Variants in ADGRV1 observed in about 807,000 individuals in gnomAD.
ADGRV1 encodes adhesion G protein-coupled receptor V1, also known as G-protein coupled receptor 98.
ADGRV1 carries 359 observed loss-of-function variants against 596.2 expected under a neutral mutation model. That is an observed-to-expected ratio of 0.60 (90% confidence interval 0.55 to 0.66). ADGRV1 has a LOEUF of 0.66. ADGRV1 is among the 30% of genes least tolerant of loss of function. ADGRV1 has a pLI of 0.00. For synonymous variants in ADGRV1, 2,681 were observed against 2,679.2 expected (o/e 1.00, Z -0.02); for missense variants, 7,274 against 7,575.6 (o/e 0.96, Z 1.48).
chr5:90,879,845 G>C (rs2150535484), intron 83 of ADGRV1, among the ~76,000 whole-genome samples: 1 of 152,166 alleles, frequency 6.6e-6, no homozygotes, highest in East Asian at 1.9e-4. Flanking sequence ...TACTTGGGAG[G>C]CTGAGGCAGG....
At chr5:90,780,507 A>G (rs1758723148) in intron 64 of ADGRV1, among the ~76,000 whole-genome samples, 1 of 152,168 alleles carries the variant, frequency 6.6e-6, no homozygotes, top group Admixed American at 6.5e-5. Context: ...TTAAAGTCAT[A>G]TTTTAAAGCC....
At chr5:90,669,197 G>A (rs1772065314) in intron 21 of ADGRV1, among the ~76,000 whole-genome samples, 1 of 152,190 alleles carries the variant, frequency 6.6e-6, no homozygotes, top group African/African-American at 2.4e-5. Context: ...ATTTGCTCAT[G>A]TACCATTCGG....
At chr5:90,777,838 G>C in intron 61 of ADGRV1, 67 bp from the exon 62 acceptor site, 4 of 1,379,674 alleles carry the variant, frequency 2.9e-6, no homozygotes, top group Non-Finnish European at 3.9e-6. Flanking sequence ...TTAAAAGACA[G>C]AGAAAATGTT....
chr5:90,789,915 A>G (rs1759881389), intron 69 of ADGRV1, 64 bp downstream of exon 69: 6 of 1,151,988 alleles, frequency 5.2e-6, no homozygotes, highest in Non-Finnish European at 6.8e-6. Flanking sequence ...TAAGAGGGAC[A>G]GGGAAACTGC....
chr5:90,611,670 G>T (rs1285042549), intron 1 of ADGRV1, among the ~76,000 whole-genome samples: 1 of 151,662 alleles, frequency 6.6e-6, no homozygotes, highest in Non-Finnish European at 1.5e-5. Context: ...TTATAGAGAA[G>T]TTTAAAAATA....
At chr5:90,981,874 C>T (rs1780103881) in intron 84 of ADGRV1, among the ~76,000 whole-genome samples, 1 of 152,168 alleles carries the variant, frequency 6.6e-6, no homozygotes, top group Admixed American at 6.5e-5. Context: ...GTAGAAGGTG[C>T]TCCTGACAAT....
intron 82 of ADGRV1, among the ~76,000 whole-genome samples, chr5:90,859,279 C>T (rs1767320681): frequency 6.6e-6 from 1 of 152,100 alleles, no homozygotes; most frequent in African/African-American, 2.4e-5. Flanking sequence ...ACCAGCCTGA[C>T]ATACAGTAGG....
At chr5:90,606,485 C>T (rs1016568204) in intron 1 of ADGRV1, among the ~76,000 whole-genome samples, 6 of 152,054 alleles carry the variant, frequency 3.9e-5, no homozygotes, top group African/African-American at 1.4e-4. Flanking sequence ...ACAATAAATG[C>T]AAATAGCGAC....
chr5:90,882,726 A>T (rs972782702), intron 83 of ADGRV1, among the ~76,000 whole-genome samples: 3 of 152,186 alleles, frequency 2.0e-5, no homozygotes, highest in African/African-American at 7.2e-5. Context: ...ACTAGGGCAT[A>T]TGGATTAAGG....
At chr5:90,863,908 C>T in intron 83 of ADGRV1, 51 bp downstream of exon 83, 1 of 1,175,152 alleles carries the variant, frequency 8.5e-7, no homozygotes, top group Non-Finnish European at 1.3e-6. Flanking sequence ...TGTGTTTCTT[C>T]TTCTTTGGTT....
intron 87 of ADGRV1, among the ~76,000 whole-genome samples, chr5:91,134,241 G>A (rs1794448156): frequency 6.6e-6 from 1 of 151,520 alleles, no homozygotes; most frequent in African/African-American, 2.4e-5. Context: ...CGGCTGGAGT[G>A]CAGTGGCCTG....
At chr5:90,621,356 CTT>C (rs1010443940) in intron 4 of ADGRV1, among the ~76,000 whole-genome samples, 2 of 152,112 alleles carry the variant, frequency 1.3e-5, no homozygotes, top group African/African-American at 4.8e-5. Flanking sequence ...AGTGCAGTAT[CTT>C]TGTTAAAAAG....
At chr5:90,642,273 CAT>C (rs1455335071) in intron 11 of ADGRV1, among the ~76,000 whole-genome samples, 1 of 152,116 alleles carries the variant, frequency 6.6e-6, no homozygotes, top group East Asian at 1.9e-4. Flanking sequence ...CTTCTAACTA[CAT>C]GTTACAAATT....
At chr5:90,755,757 ATAT>A (rs923477261) in intron 55 of ADGRV1, among the ~76,000 whole-genome samples, 17 of 149,816 alleles carry the variant, frequency 1.1e-4, no homozygotes, top group African/African-American at 4.1e-4. Flanking sequence ...AGTGTTAATA[ATAT>A]TATAAAATAA....
chr5:90,924,961 T>C (rs1397933704), intron 83 of ADGRV1, among the ~76,000 whole-genome samples: 1 of 151,182 alleles, frequency 6.6e-6, no homozygotes, highest in Non-Finnish European at 1.5e-5. Context: ...GCGTTATTTC[T>C]GAGGGCTCTG....
chr5:90,688,174 C>G (rs1174713253), intron 29 of ADGRV1, among the ~76,000 whole-genome samples: 4 of 152,130 alleles, frequency 2.6e-5, no homozygotes, highest in Non-Finnish European at 2.9e-5. Context: ...ACCAAAACAG[C>G]ATGGTACTGG....
chr5:90,890,511 G>A (rs1016153532), intron 83 of ADGRV1, among the ~76,000 whole-genome samples: 3 of 152,138 alleles, frequency 2.0e-5, no homozygotes, highest in Non-Finnish European at 4.4e-5. Context: ...TCACCCACCT[G>A]TTAAATGAAG....
At position 90,686,925 on chromosome 5, in the gene ADGRV1, T is replaced by C. The variant is rs537980171; in HGVS notation, c.6490+930T>C. ...TGCCATTCTAACTGGTGTGAGATGG[T>C]ATCTCATTGTGGTTTTGATTTGCAT... On this transcript the variant is annotated intron_variant, in intron 29 of 89. Coordinates refer to ENST00000405460, the MANE Select transcript of ADGRV1 (RefSeq NM_032119.4). 3.9e-5 allele frequency among the ~76,000 whole-genome samples: 6 copies of C among 152,344 alleles called. No homozygotes were observed. The East Asian group carries it at 1.2e-3, about 29-fold the overall frequency.
chr5:91,130,259 C>T (rs1794098281), intron 87 of ADGRV1, among the ~76,000 whole-genome samples: 2 of 148,936 alleles, frequency 1.3e-5, no homozygotes, highest in Middle Eastern at 3.3e-3. Context: ...AGGCCAGGCA[C>T]GGTGGCTCAT....
Sources: allele counts gnomAD v4.1 joint callset (sites outside exome capture counted in the v4.1 genomes callset), GRCh38; gene constraint gnomAD v4.1.1; transcripts MANE v1.5; gene names NCBI Gene and HGNC (gene_info 2026-07-23, HGNC 2026-07-21).